The following RGS7 variants were observed in gnomAD, a reference collection of about 807,000 sequenced individuals.
RGS7 encodes regulator of G protein signaling 7.
RGS7 carries 27 observed loss-of-function variants against 81.1 expected under a neutral mutation model. The observed-to-expected ratio is 0.33, with a 90% confidence interval of 0.25 to 0.46. The LOEUF (loss-of-function observed/expected upper bound fraction) is 0.46, where lower values mean the gene tolerates loss of function less well. Ranked by LOEUF, RGS7 falls within the 20% of genes least tolerant of loss-of-function variation. The pLI, the probability that RGS7 is intolerant of heterozygous loss-of-function variation, is 1.00. For synonymous variants in RGS7, 208 were observed against 207.7 expected (o/e 1.00, Z -0.01); for missense variants, 396 against 607.4 (o/e 0.65, Z 3.66).
At position 241,163,942 on chromosome 1, in the gene RGS7, G is replaced by A. The variant is rs2069957688; in HGVS notation, c.79-65180C>T. On this transcript the variant is annotated intron_variant, in intron 2 of 18. Transcript: ENST00000440928. This position sits in a 1 kb window ranked among gnomAD's most constrained non-coding sequence, Gnocchi z 4.6. ...ATAGCGTCAGATCCCACAGGTTGAG[G>A]GCTCAGTCCCCAAGAATGCCCCTTG... is the stretch of plus-strand genomic sequence containing the variant. 6.6e-6 allele frequency among the ~76,000 whole-genome samples: 1 copy of A among 152,062 alleles called. No homozygotes were observed. The highest frequency in any genetic ancestry group is 1.5e-5 in the Non-Finnish European group (1 of 68,032).
At chr1:240,847,140 T>C (rs540470563) in intron 9 of RGS7, among the ~76,000 whole-genome samples, 3 of 152,344 alleles carry the variant, frequency 2.0e-5, no homozygotes, top group South Asian at 2.1e-4. Flanking sequence ...CAAAAGTATT[T>C]TTCCTGATTA....
chr1:240,997,655 T>C (rs998639659), intron 3 of RGS7, among the ~76,000 whole-genome samples: 2 of 152,118 alleles, frequency 1.3e-5, no homozygotes, highest in Non-Finnish European at 2.9e-5. Flanking sequence ...GGAAACCCCA[T>C]CTCTACTAAA....
intron 3 of RGS7, among the ~76,000 whole-genome samples, chr1:241,072,621 T>C (rs1387580874): frequency 3.9e-5 from 6 of 152,224 alleles, no homozygotes; most frequent in Non-Finnish European, 8.8e-5. Context: ...CCCTCCAGGT[T>C]GATGGTGTCC....
chr1:241,160,390 CAAT>C (rs1211737137), intron 2 of RGS7, among the ~76,000 whole-genome samples: 1 of 151,868 alleles, frequency 6.6e-6, no homozygotes, highest in African/African-American at 2.4e-5. Flanking sequence ...AAGTGAGAGA[CAAT>C]GAGTGGCTCA....
chr1:241,323,683 G>A (rs1435509867), intron 2 of RGS7, among the ~76,000 whole-genome samples: 1 of 152,206 alleles, frequency 6.6e-6, no homozygotes, highest in African/African-American at 2.4e-5. Flanking sequence ...GAGAAGCAGA[G>A]CTGCCAACGG....
intron 3 of RGS7, among the ~76,000 whole-genome samples, chr1:241,038,489 T>C (rs1469473977): frequency 6.6e-6 from 1 of 152,164 alleles, no homozygotes; most frequent in Non-Finnish European, 1.5e-5. Context: ...TGAAAGCAGA[T>C]TTGACAAGTA....
At chr1:241,309,350 C>A (rs1183087967) in intron 2 of RGS7, among the ~76,000 whole-genome samples, 1 of 140,586 alleles carries the variant, frequency 7.1e-6, no homozygotes, top group Non-Finnish European at 1.5e-5. Context: ...CACACCATTG[C>A]ACTCCAGCCT....
At chr1:241,040,479 T>TTTTTTTTA (rs2060556921) in intron 3 of RGS7, among the ~76,000 whole-genome samples, 1 of 151,114 alleles carries the variant, frequency 6.6e-6, no homozygotes, top group Non-Finnish European at 1.5e-5. Context: ...TTACTTTTCT[T>TTTTTTTTA]TTTATTTATT....
chr1:241,317,774 G>A (rs1003465698), intron 2 of RGS7, among the ~76,000 whole-genome samples: 4 of 152,180 alleles, frequency 2.6e-5, no homozygotes, highest in Middle Eastern at 3.2e-3. Flanking sequence ...TCAGACTTCA[G>A]CTTCTTGGCC....
At chr1:241,162,271 C>T (rs2069781422) in intron 2 of RGS7, among the ~76,000 whole-genome samples, 1 of 148,708 alleles carries the variant, frequency 6.7e-6, no homozygotes, top group Non-Finnish European at 1.5e-5. Context: ...AGCATGTGCA[C>T]TAAGAGGCAA....
intron 2 of RGS7, among the ~76,000 whole-genome samples, chr1:241,294,377 A>G (rs2079268638): frequency 6.6e-6 from 1 of 152,196 alleles, no homozygotes; most frequent in Non-Finnish European, 1.5e-5. Context: ...ACCATGGCAC[A>G]TGTATACTTA....
At chr1:241,306,963 T>C (rs987245295) in intron 2 of RGS7, among the ~76,000 whole-genome samples, 2 of 152,226 alleles carry the variant, frequency 1.3e-5, no homozygotes, top group Non-Finnish European at 2.9e-5. Flanking sequence ...ATGAGATAGT[T>C]TGCAAGGGAG....
chr1:241,072,768 G>A (rs2148872662), intron 3 of RGS7, among the ~76,000 whole-genome samples: 1 of 152,246 alleles, frequency 6.6e-6, no homozygotes, highest in South Asian at 2.1e-4. Flanking sequence ...CAGGTAATAT[G>A]CACACGATAG....
At chr1:241,343,637 T>A (rs950957859) in intron 2 of RGS7, among the ~76,000 whole-genome samples, 5 of 152,190 alleles carry the variant, frequency 3.3e-5, no homozygotes, top group African/African-American at 1.2e-4. Context: ...TTATATGAGG[T>A]ACCTAGAGCA....
intron 2 of RGS7, among the ~76,000 whole-genome samples, chr1:241,181,557 G>T (rs1360803749): frequency 1.3e-5 from 2 of 152,178 alleles, no homozygotes; most frequent in Non-Finnish European, 2.9e-5. Context: ...CTGCTGACTG[G>T]AATTAAAGGT....
chr1:241,078,189 T>C (rs2062918817), intron 3 of RGS7, among the ~76,000 whole-genome samples: 1 of 148,726 alleles, frequency 6.7e-6, no homozygotes, highest in Non-Finnish European at 1.5e-5. Flanking sequence ...ATAATATATA[T>C]GTTGTTTAGA....
At chr1:241,055,984 G>A (rs75964141) in intron 3 of RGS7, among the ~76,000 whole-genome samples, 239 of 152,278 alleles carry the variant, frequency 1.6e-3, no homozygotes, top group Middle Eastern at 6.8e-3. Flanking sequence ...GGCTATGTGT[G>A]TATTTGTTTG....
chr1:241,063,318 T>C (rs1572507821), intron 3 of RGS7, among the ~76,000 whole-genome samples: 2 of 152,216 alleles, frequency 1.3e-5, no homozygotes, highest in Admixed American at 6.5e-5. Context: ...ACTGGGTCGA[T>C]GGTGAATACG....
chr1:241,260,482 T>A (rs2077274309), intron 2 of RGS7, among the ~76,000 whole-genome samples: 1 of 152,202 alleles, frequency 6.6e-6, no homozygotes, highest in Admixed American at 6.5e-5. Flanking sequence ...GGCAGCCAAT[T>A]TGTGCTTTAA....
Sources: allele counts gnomAD v4.1 joint callset (sites outside exome capture counted in the v4.1 genomes callset), GRCh38; gene constraint gnomAD v4.1.1; non-coding constraint Gnocchi (gnomAD v3.1); transcripts MANE v1.5; gene names NCBI Gene and HGNC (gene_info 2026-07-23, HGNC 2026-07-21).